The following PSD variants were observed in gnomAD, a reference collection of about 807,000 sequenced individuals.
The protein encoded by PSD is pleckstrin and Sec7 domain containing, also known as PH and SEC7 domain-containing protein 1.
PSD carries 32 observed loss-of-function variants against 91.6 expected under a neutral mutation model. That is an observed-to-expected ratio of 0.35 (90% CI 0.26 to 0.47). The LOEUF (loss-of-function observed/expected upper bound fraction) is 0.47. Among genes scored for constraint, PSD ranks in the 20% least tolerant of loss-of-function variants. The probability of loss-of-function intolerance (pLI) is 1.00; values close to 1 mark genes in which losing one functional copy is unlikely to be tolerated. For synonymous variants in PSD, 532 were observed against 569.3 expected (o/e 0.93, Z 0.93); for missense variants, 1,099 against 1,373.9 (o/e 0.80, Z 3.16).
At chr10:102,411,877 T>C in intron 7 of PSD, 58 bp from the exon 8 acceptor site, 1 of 1,307,802 alleles carries the variant, frequency 7.6e-7, no homozygotes. Context: ...CCTCTGTCTC[T>C]GGGGTGACAG....
chr10:102,410,789 T>A lies in PSD; in HGVS notation c.2091+69A>T. 7 of 1,117,972 alleles carry A rather than the reference T, an allele frequency of 6.3e-6. No individual in the cohort carries two copies. Among genetic ancestry groups the A allele is most frequent in the African/African-American group, 1.5e-5 (1 of 64,756 alleles). The allele number at this position is 1,117,972 out of a possible 1,614,324, so 69.3% of individuals were successfully genotyped here. Reference sequence around the variant, plus strand: ...CCCAGCCCTGCCCTCCCTCCGACTCTGGACTCCGTCGCCGACTGGGTCCTC... The same window carrying A: ...CCCAGCCCTGCCCTCCCTCCGACTCAGGACTCCGTCGCCGACTGGGTCCTC... On this transcript the variant is annotated intron_variant, in intron 10 of 16. Transcript: ENST00000020673. The surrounding 1 kb of genome is among the most constrained non-coding windows in gnomAD (Gnocchi z 6.0).
At chr10:102,412,638 T>C (rs2061436304) in intron 5 of PSD, 63 bp from the exon 6 acceptor site, 1 of 1,431,834 alleles carries the variant, frequency 7.0e-7, no homozygotes, top group Non-Finnish European at 9.5e-7. Context: ...CAGACCCTCC[T>C]TCTGCCTCCA....
intron 8 of PSD, 40 bp from the exon 9 acceptor site, chr10:102,411,156 G>A: frequency 1.3e-6 from 2 of 1,563,414 alleles, no homozygotes; most frequent in Non-Finnish European, 1.7e-6. Flanking sequence ...TGCCTCCCAG[G>A]GACCCTTCCC....
intron 7 of PSD, 86 bp from the exon 8 acceptor site, chr10:102,411,905 G>T: frequency 9.5e-7 from 1 of 1,051,604 alleles, no homozygotes; most frequent in Non-Finnish European, 1.5e-6. Flanking sequence ...TGAGAGTACA[G>T]CAGCTGGGGT....
In PSD at chr10:102,415,048, C is replaced by T. The variant is rs549519129; in HGVS notation, c.939G>A (p.Ser313=). 54 of 1,613,812 alleles carry T rather than the reference C, an allele frequency of 3.3e-5. No homozygotes were observed. The highest frequency in any genetic ancestry group is 8.0e-5 in the African/African-American group (6 of 74,934). The change falls in exon 4 of 17, where the codon TCG becomes TCA. Residue 313 remains serine, a synonymous_variant. Transcript: ENST00000020673. ...CAGAGCTGGGCTGACTTTCGATGGCCGAGTCGGCCTCCTCCCGCTCAGCCA... is the reference window on the plus strand; with the variant it reads ...CAGAGCTGGGCTGACTTTCGATGGCTGAGTCGGCCTCCTCCCGCTCAGCCA... ...EVLAEREEAD[S]AIESQPSSEG...
chr10:102,406,726 T>C (rs528909336), intron 11 of PSD, among the ~76,000 whole-genome samples: 195 of 152,300 alleles, frequency 1.3e-3, no homozygotes, highest in Non-Finnish European at 1.6e-3. Flanking sequence ...AGGATGGTCT[T>C]GATCTCCTGA....
Position 102,404,424 on chromosome 10 carries a change from G to A in PSD, c.2700+159C>T, listed in dbSNP as rs1385587576. On this transcript the variant is annotated intron_variant, in intron 15 of 16. Transcript: ENST00000020673. This position sits in a 1 kb window ranked among gnomAD's most constrained non-coding sequence, Gnocchi z 5.7. Reference sequence around the variant, plus strand: ...GTTTGGGTTCCCAGCCGGCAAGCGGGACCCAGTGGGGGCTGGATTTCAGTC... The same window carrying A: ...GTTTGGGTTCCCAGCCGGCAAGCGGAACCCAGTGGGGGCTGGATTTCAGTC... Among the ~76,000 whole-genome samples the A allele has an allele frequency of 6.6e-6, 1 of 152,092 alleles. No individual in the cohort carries two copies. Among genetic ancestry groups the A allele is most frequent in the East Asian group, 1.9e-4 (1 of 5,182 alleles).
In PSD at chr10:102,405,757, C is replaced by T. The variant is rs186329519; in HGVS notation, c.2136-221G>A. 1.7e-4 allele frequency: 98 copies of T among 561,560 alleles called. 1 individual carries two copies. The East Asian group carries it at 2.8e-3, about 16-fold the overall frequency. 34.8% of individuals were successfully genotyped at this position (561,560 alleles called of 1,614,324 possible). ...CCCTCAGAGCTCCCCAGCCTAGAGC[C>T]ACCACTGTCCCTTCCTCCCAGCAAG... is the stretch of plus-strand genomic sequence containing the variant. On this transcript the variant is annotated intron_variant, in intron 11 of 16. Transcript: ENST00000020673. This position sits in a 1 kb window ranked among gnomAD's most constrained non-coding sequence, Gnocchi z 5.4.
At position 102,407,270 on chromosome 10, in the gene PSD, G is replaced by A; in HGVS notation, c.2092-4C>T. On this transcript the variant is annotated splice_region_variant and splice_polypyrimidine_tract_variant and intron_variant, in intron 10 of 16. Coordinates refer to ENST00000020673, the MANE Select transcript of PSD (RefSeq NM_002779.5). ...TCTTGATGGAGCTGTACAAGGCCTG[G>A]GGGGTGGGGGGAACAAATTAGGGGG... 6.3e-7 allele frequency: 1 copy of A among 1,581,332 alleles called. No homozygotes were observed. The highest frequency in any genetic ancestry group is 1.2e-5 in the South Asian group (1 of 86,472).
Position 102,416,860 on chromosome 10 carries a change from A to G in PSD, c.179T>C (p.Leu60Pro), listed in dbSNP as rs1338303103. 1.2e-6 allele frequency: 2 copies of G among 1,600,668 alleles called. No individual in the cohort carries two copies. The highest frequency in any genetic ancestry group is 1.7e-5 in the Admixed American group (1 of 59,078). ...TGTACAGGGTGCTGTCACACGTCCC[A>G]GTTCCCGGCCTCGAGGACCTGGACC... ...VAGPGPRGRE[L>P]GRVTAPCTPL... Residue 60 changes from leucine to proline, a missense_variant, in exon 2 of 17, where the codon CTG (leucine) becomes CCG (proline). Leu to Pro is a moderately conservative substitution (Grantham distance 98). Transcript: ENST00000020673. This position sits in a 1 kb window ranked among gnomAD's most constrained non-coding sequence, Gnocchi z 6.0.
intron 11 of PSD, among the ~76,000 whole-genome samples, chr10:102,406,871 C>T (rs1371530562): frequency 1.3e-5 from 2 of 152,178 alleles, no homozygotes; most frequent in Non-Finnish European, 2.9e-5. Context: ...TGTTCTGTGA[C>T]ATCTGGGCTC....
chr10:102,416,511 C>A lies in PSD; in HGVS notation c.528G>T (p.Gly176=). ...CTCCAACCTGGGGTGGGGCTGGCGGCCCATGTACAAGGTTCCGGCTGCCAG... is the reference window on the plus strand; with the variant it reads ...CTCCAACCTGGGGTGGGGCTGGCGGACCATGTACAAGGTTCCGGCTGCCAG... ...ALPGSRNLVH[G]PPAPPQVGAD... is the part of the protein sequence containing the mutation. Residue 176 remains glycine, a synonymous_variant, in exon 2 of 17, where the codon GGG becomes GGT. Transcript: ENST00000020673. This position sits in a 1 kb window ranked among gnomAD's most constrained non-coding sequence, Gnocchi z 6.0. 1.2e-6 allele frequency: 2 copies of A among 1,612,578 alleles called. No individual in the cohort carries two copies. Among genetic ancestry groups the A allele is most frequent in the Admixed American group, 3.3e-5 (2 of 59,856 alleles).
At chr10:102,418,880 C>T, upstream of PSD, 1 of 360,840 alleles carries the variant, frequency 2.8e-6, no homozygotes, top group South Asian at 1.9e-5. Flanking sequence ...TCTCCCAGGG[C>T]CCAGAGCCCC....
rs1021760102 is a variant in PSD at position 102,403,719 on chromosome 10, A to G, written c.2844+123T>C. On this transcript the variant is annotated intron_variant, in intron 16 of 16. Transcript: ENST00000020673. This position sits in a 1 kb window ranked among gnomAD's most constrained non-coding sequence, Gnocchi z 6.7. ...GTTATCCTTGTTGCACAGAGGAGGA[A>G]ACTGAGGCTTAGGTTAAGCAACCTG... 7.0e-6 allele frequency: 9 copies of G among 1,279,478 alleles called. No individual in the cohort carries two copies. Among genetic ancestry groups the G allele is most frequent in the Non-Finnish European group, 9.5e-6 (9 of 944,958 alleles). The allele number at this position is 1,279,478 out of a possible 1,614,324, so 79.3% of individuals were successfully genotyped here.
Position 102,405,462 on chromosome 10 carries a change from C to T in PSD, c.2210G>A (p.Gly737Glu), listed in dbSNP as rs1265983067. 1.2e-6 allele frequency: 2 copies of T among 1,614,040 alleles called. No homozygotes were observed. Among genetic ancestry groups the T allele is most frequent in the Admixed American group, 3.3e-5 (2 of 60,018 alleles). Reference sequence around the variant, plus strand: ...AGGGCTGGAGCCACTGCCACTGCCCCCGCTGATCCGCTTGATGACCTTGGG... The same window carrying T: ...AGGGCTGGAGCCACTGCCACTGCCCTCGCTGATCCGCTTGATGACCTTGGG... ...PNPKVIKRIS[G>E]GSGSGSSPFL... The change falls in exon 12 of 17, where the codon GGG (glycine) becomes GAG (glutamate). Residue 737 changes from glycine (G) to glutamate (E), a missense_variant. Physicochemically the swap from Gly to Glu is moderately conservative, Grantham distance 98. Around this residue, in one of 3 missense-constraint regions of PSD, gnomAD observed 358 missense variants for 426.5 expected, o/e 0.84. Coordinates refer to ENST00000020673, the MANE Select transcript of PSD (RefSeq NM_002779.5). The surrounding 1 kb of genome is among the most constrained non-coding windows in gnomAD (Gnocchi z 5.4).
upstream of PSD, chr10:102,419,285 G>A (rs1328623563): frequency 3.2e-5 from 5 of 153,912 alleles, no homozygotes; most frequent in Non-Finnish European, 5.8e-5. This position sits in a 1 kb window ranked among gnomAD's most constrained non-coding sequence, Gnocchi z 4.8. Context: ...ACCCGCCAGG[G>A]GTTTTGAGTC....
chr10:102,411,194 C>T, intron 8 of PSD, 78 bp from the exon 9 acceptor site: 4 of 1,415,030 alleles, frequency 2.8e-6, no homozygotes, highest in Non-Finnish European at 3.9e-6. Context: ...CCTCCCATTT[C>T]ATCCCCACCC....
intron 3 of PSD, 71 bp downstream of exon 3, chr10:102,415,946 C>A: frequency 2.5e-6 from 3 of 1,181,824 alleles, no homozygotes; most frequent in Non-Finnish European, 3.6e-6. Flanking sequence ...TGAAGGAGGG[C>A]TCCCTACTGA....
chr10:102,413,158 T>A (rs1475458591), intron 5 of PSD, among the ~76,000 whole-genome samples: 1 of 152,160 alleles, frequency 6.6e-6, no homozygotes, highest in Non-Finnish European at 1.5e-5. Flanking sequence ...CCACCCCAGC[T>A]GCTCTACTCG....
Sources: gnomAD v4.1 joint callset for allele counts (sites outside exome capture counted in the v4.1 genomes callset) on GRCh38, gnomAD v4.1.1 for gene constraint, gnomAD v4.1.1 regional missense constraint, Gnocchi (gnomAD v3.1) non-coding constraint, MANE v1.5 for transcripts, NCBI Gene and HGNC (gene_info 2026-07-23, HGNC 2026-07-21) for gene names.